The following CNTNAP2 variants were observed in gnomAD, a reference collection of about 807,000 sequenced individuals.
The protein encoded by CNTNAP2 is contactin-associated protein-like 2.
A neutral mutation model predicts 155.2 loss-of-function variants in CNTNAP2; 98 were observed. The ratio of observed to expected loss-of-function variants is 0.63; its 90% CI spans 0.54 to 0.75. CNTNAP2 has a LOEUF of 0.75. CNTNAP2 is among the 30% of genes least tolerant of loss of function. CNTNAP2 has a pLI of 0.00. For missense variants in CNTNAP2, 1,727 were observed against 1,688.1 expected (o/e 1.02, Z -0.40); for synonymous variants, 651 against 631.2 (o/e 1.03, Z -0.47).
intron 15 of CNTNAP2, among the ~76,000 whole-genome samples, chr7:148,021,176 G>GGTGGAGGTTTTTTGTTTTTGT (rs1212808960): frequency 1.6e-5 from 2 of 127,796 alleles, no homozygotes; most frequent in Non-Finnish European, 3.2e-5. Flanking sequence ...CCTTTTTGTT[G>GGTGGAGGTTTTTTGTTTTTGT]GTGGAGGTTT....
chr7:146,244,716 A>G (rs929166036), intron 1 of CNTNAP2, among the ~76,000 whole-genome samples: 2 of 152,170 alleles, frequency 1.3e-5, no homozygotes, highest in East Asian at 1.9e-4. Context: ...CTGGTCTGTT[A>G]TCAGACTGTA....
At chr7:147,994,369 CAA>C (rs71527864) in intron 15 of CNTNAP2, among the ~76,000 whole-genome samples, 49 of 132,214 alleles carry the variant, frequency 3.7e-4, no homozygotes, top group Admixed American at 6.1e-4. Context: ...AGACCTGTCT[CAA>C]AAAAAAAAAA....
intron 2 of CNTNAP2, among the ~76,000 whole-genome samples, chr7:146,806,758 A>G (rs887680928): frequency 2.0e-5 from 3 of 152,102 alleles, no homozygotes; most frequent in Non-Finnish European, 2.9e-5. Flanking sequence ...ATCTGGTCCA[A>G]TCAGAACAGA....
intron 8 of CNTNAP2, among the ~76,000 whole-genome samples, chr7:147,297,051 G>A (rs1003054986): frequency 1.3e-5 from 2 of 152,082 alleles, no homozygotes; most frequent in African/African-American, 4.8e-5. Flanking sequence ...GGATTTCCAG[G>A]AACATCTATT....
intron 13 of CNTNAP2, among the ~76,000 whole-genome samples, chr7:147,785,900 G>C (rs770354008): frequency 8.6e-5 from 13 of 151,808 alleles, no homozygotes; most frequent in Admixed American, 3.9e-4. Flanking sequence ...GCTGAGGCAG[G>C]AGAATCACCT....
intron 1 of CNTNAP2, among the ~76,000 whole-genome samples, chr7:146,239,418 G>A (rs777135230): frequency 9.2e-5 from 14 of 152,146 alleles, no homozygotes; most frequent in Non-Finnish European, 1.8e-4. Context: ...AAGAGGACCA[G>A]CCTAATAACC....
intron 8 of CNTNAP2, among the ~76,000 whole-genome samples, chr7:147,292,523 T>C (rs1330212539): frequency 6.6e-6 from 1 of 152,130 alleles, no homozygotes. Context: ...AACTATATTG[T>C]TGGGTTTCGG....
At chr7:147,321,372 C>T (rs538673121) in intron 9 of CNTNAP2, among the ~76,000 whole-genome samples, 1 of 152,314 alleles carries the variant, frequency 6.6e-6, no homozygotes, top group African/African-American at 2.4e-5. Context: ...AAAGCTGCCT[C>T]TTGGCAGCTG....
chr7:146,277,777 C>T (rs1246137827), intron 1 of CNTNAP2, among the ~76,000 whole-genome samples: 2 of 152,168 alleles, frequency 1.3e-5, no homozygotes, highest in East Asian at 3.9e-4. Context: ...AACTAATGGA[C>T]TCCAAACAGG....
intron 1 of CNTNAP2, among the ~76,000 whole-genome samples, chr7:146,597,793 G>C (rs886110745): frequency 6.6e-6 from 1 of 151,838 alleles, no homozygotes; most frequent in Admixed American, 6.6e-5. Context: ...ATTAATGTGG[G>C]TACAATAAAA....
chr7:147,329,442 A>T (rs954690110), intron 9 of CNTNAP2, among the ~76,000 whole-genome samples: 1 of 152,098 alleles, frequency 6.6e-6, no homozygotes, highest in Non-Finnish European at 1.5e-5. Context: ...AGTTTTTTAT[A>T]GAATAATGGT....
chr7:146,555,481 C>T (rs1164745753), intron 1 of CNTNAP2, among the ~76,000 whole-genome samples: 1 of 142,858 alleles, frequency 7.0e-6, no homozygotes, highest in African/African-American at 2.7e-5. Context: ...GTAATCTACT[C>T]TGTATCATCT....
chr7:146,328,792 G>A (rs980704477), intron 1 of CNTNAP2, among the ~76,000 whole-genome samples: 2 of 152,112 alleles, frequency 1.3e-5, no homozygotes, highest in Admixed American at 1.3e-4. Context: ...CGCAATATTT[G>A]TCTTTCTGTG....
intron 10 of CNTNAP2, among the ~76,000 whole-genome samples, chr7:147,468,727 T>G (rs764588352): frequency 6.6e-6 from 1 of 152,164 alleles, no homozygotes; most frequent in Non-Finnish European, 1.5e-5. Context: ...TGTACAAATA[T>G]GTTAGAAAAA....
chr7:146,871,300 G>GC (rs2090166281), intron 3 of CNTNAP2, among the ~76,000 whole-genome samples: 1 of 152,046 alleles, frequency 6.6e-6, no homozygotes. Flanking sequence ...GGAGGCCGAG[G>GC]CGGGCAGGTC....
chr7:146,968,526 G>T (rs1797709515), intron 3 of CNTNAP2, among the ~76,000 whole-genome samples: 1 of 152,034 alleles, frequency 6.6e-6, no homozygotes, highest in Non-Finnish European at 1.5e-5. Flanking sequence ...ACTTCTTCCT[G>T]GATTAGTCTT....
intron 1 of CNTNAP2, among the ~76,000 whole-genome samples, chr7:146,193,473 C>A (rs1231851868): frequency 1.3e-5 from 2 of 152,246 alleles, no homozygotes; most frequent in Non-Finnish European, 2.9e-5. Flanking sequence ...CACATGGAGG[C>A]TGCCAAGACT....
chr7:147,684,898 C>G (rs1795995238), intron 13 of CNTNAP2, among the ~76,000 whole-genome samples: 1 of 151,564 alleles, frequency 6.6e-6, no homozygotes, highest in Non-Finnish European at 1.5e-5. Flanking sequence ...CATTTGAGCA[C>G]AAAGCATTTG....
At chr7:147,982,711 A>G (rs1473675101) in intron 15 of CNTNAP2, among the ~76,000 whole-genome samples, 5 of 152,144 alleles carry the variant, frequency 3.3e-5, no homozygotes, top group African/African-American at 1.2e-4. Context: ...ATAACCTGCC[A>G]TTCCCTTGAC....
Sources: allele counts gnomAD v4.1 joint callset (sites outside exome capture counted in the v4.1 genomes callset), GRCh38; gene constraint gnomAD v4.1.1; transcripts MANE v1.5; gene names NCBI Gene and HGNC (gene_info 2026-07-23, HGNC 2026-07-21).